The following UBR3 variants were observed in gnomAD, a reference collection of about 807,000 sequenced individuals.
UBR3 encodes E3 ubiquitin-protein ligase UBR3.
A neutral mutation model predicts 243.2 loss-of-function variants in UBR3; 85 were observed. That is an observed-to-expected ratio of 0.35 (90% CI 0.29 to 0.42). UBR3 has a LOEUF of 0.42. Among genes scored for constraint, UBR3 ranks in the 10% least tolerant of loss-of-function variants. The pLI, the probability that UBR3 is intolerant of heterozygous loss-of-function variation, is 1.00. For synonymous variants in UBR3, 748 were observed against 799.8 expected, an observed-to-expected ratio of 0.94 and a Z score of 1.09; for missense variants, 1,686 against 2,300.8, an observed-to-expected ratio of 0.73 and a Z score of 5.47.
intron 1 of UBR3, among the ~76,000 whole-genome samples, chr2:169,862,483 C>A (rs953430417): frequency 1.3e-5 from 2 of 152,200 alleles, no homozygotes; most frequent in Non-Finnish European, 2.9e-5. Context: ...CATTGTCTAT[C>A]TCTGTCCTAC....
At chr2:169,895,367 T>C (rs2084540586) in intron 7 of UBR3, 56 bp downstream of exon 7, 2 of 1,483,408 alleles carry the variant, frequency 1.3e-6, no homozygotes, top group South Asian at 2.7e-5. Flanking sequence ...TTGCCTTTCA[T>C]TATTAAATCT....
Position 169,827,870 on chromosome 2 carries a change from C to T in UBR3, c.363C>T (p.Gly121=), listed in dbSNP as rs974552910. 4.6e-6 allele frequency: 7 copies of T among 1,507,874 alleles called. No homozygotes were observed. Among genetic ancestry groups the T allele is most frequent in the Non-Finnish European group, 6.2e-6 (7 of 1,132,474 alleles). 93.4% of individuals were successfully genotyped at this position (1,507,874 alleles called of 1,614,324 possible). A position where few individuals can be genotyped will look rare whatever the true frequency, so the allele number is the denominator to read the frequency against. ...VRAYDPAALC[G]LVWTANFVAY... ...CCTACGATCCCGCGGCGCTCTGCGG[C>T]CTGGTCTGGACAGCCAACTTCGTGG... Residue 121 remains glycine (G), a synonymous_variant, in exon 1 of 39, where the codon GGC becomes GGT. Transcript: ENST00000272793.
chr2:169,829,422 GTTTT>G (rs35860819), intron 1 of UBR3, among the ~76,000 whole-genome samples: 3 of 133,762 alleles, frequency 2.2e-5, no homozygotes, highest in South Asian at 2.4e-4. Context: ...TAACATTTGA[GTTTT>G]TTTTTTTTTT....
At chr2:169,873,628 A>G (rs1035381267) in intron 2 of UBR3, among the ~76,000 whole-genome samples, 2 of 152,146 alleles carry the variant, frequency 1.3e-5, no homozygotes, top group Non-Finnish European at 2.9e-5. Context: ...AGCTATGATT[A>G]CATCACTACA....
chr2:169,890,536 G>GATATATATATATACAT (rs1396382870), intron 5 of UBR3, among the ~76,000 whole-genome samples: 1 of 53,656 alleles, frequency 1.9e-5, no homozygotes, highest in Non-Finnish European at 3.4e-5. Context: ...GAGAGAGAGA[G>GATATATATATATACAT]AGAGATATAT....
chr2:169,827,813 C>T lies in UBR3; in HGVS notation c.306C>T (p.Gly102=), dbSNP rs1330600833. Residue 102 remains glycine, a synonymous_variant, in exon 1 of 39, where the codon GGC becomes GGT. Coordinates refer to ENST00000272793, the MANE Select transcript of UBR3 (RefSeq NM_172070.4). ...EWCKCLLAGG[G]GYDEFCAAVR... ...GTAAGTGCCTTCTGGCGGGCGGCGG[C>T]GGCTACGACGAGTTCTGCGCGGCGG... 6 of 1,497,010 alleles carry T rather than the reference C, an allele frequency of 4.0e-6. No individual in the cohort carries two copies. The highest frequency in any genetic ancestry group is 1.7e-4 in the Middle Eastern group (1 of 5,774). 92.7% of individuals were successfully genotyped at this position (1,497,010 alleles called of 1,614,324 possible). A position where few individuals can be genotyped will look rare whatever the true frequency, so the allele number is the denominator to read the frequency against.
chr2:169,847,803 G>C (rs1022266133), intron 1 of UBR3, among the ~76,000 whole-genome samples: 4 of 152,178 alleles, frequency 2.6e-5, no homozygotes, highest in African/African-American at 9.7e-5. Context: ...CCTTACATGT[G>C]AGCATGTACT....
intron 11 of UBR3, 136 bp from the exon 12 acceptor site, chr2:169,923,793 A>G (rs3936493): frequency 2.6e-6 from 2 of 780,256 alleles, no homozygotes; most frequent in African/African-American, 1.8e-5. Flanking sequence ...TGGAATCTGC[A>G]TCTTCTAAAA....
chr2:169,954,616 C>T (rs2087192062), intron 23 of UBR3, among the ~76,000 whole-genome samples: 1 of 149,738 alleles, frequency 6.7e-6, no homozygotes, highest in African/African-American at 2.5e-5. Flanking sequence ...CTTTCTGTCA[C>T]CCAGGCTGGA....
At position 169,971,647 on chromosome 2, in the gene UBR3, G is replaced by A. The variant is rs544484403; in HGVS notation, c.3634+13121G>A. Among the ~76,000 whole-genome samples, 81 of 152,224 alleles carry A rather than the reference G, an allele frequency of 5.3e-4. No individual in the cohort carries two copies. In the Middle Eastern group the frequency reaches 0.01, roughly 19 times the overall value. On this transcript the variant is annotated intron_variant, in intron 24 of 38. Transcript: ENST00000272793. ...GATCAGATAGTTGTAGATATGCAGC[G>A]TTGTTTCTGAGGGCTCTGTTCTGTT...
At chr2:169,982,097 T>A (rs1403593288) in intron 24 of UBR3, among the ~76,000 whole-genome samples, 1 of 152,156 alleles carries the variant, frequency 6.6e-6, no homozygotes, top group Non-Finnish European at 1.5e-5. Context: ...AAAATTAAAT[T>A]GTGTTAAAAA....
chr2:169,929,136 A>C (rs1220966894), intron 18 of UBR3, among the ~76,000 whole-genome samples: 1 of 152,202 alleles, frequency 6.6e-6, no homozygotes, highest in Non-Finnish European at 1.5e-5. Context: ...CATTTTTATA[A>C]GTGATCATAA....
chr2:169,883,940 C>T (rs937831617), intron 5 of UBR3, among the ~76,000 whole-genome samples: 1 of 151,536 alleles, frequency 6.6e-6, no homozygotes, highest in Non-Finnish European at 1.5e-5. Context: ...TCAAGTGATT[C>T]TCCCGTCTCA....
chr2:169,838,800 A>G (rs2082199230), intron 1 of UBR3, among the ~76,000 whole-genome samples: 1 of 152,210 alleles, frequency 6.6e-6, no homozygotes, highest in African/African-American at 2.4e-5. Context: ...CATTTCAATC[A>G]GATACGGTGA....
At chr2:169,945,377 TGA>T (rs901389559) in intron 20 of UBR3, among the ~76,000 whole-genome samples, 6 of 152,172 alleles carry the variant, frequency 3.9e-5, no homozygotes, top group African/African-American at 7.2e-5. Flanking sequence ...CAGAAAAACA[TGA>T]GAGAGTCAGT....
intron 29 of UBR3, among the ~76,000 whole-genome samples, chr2:170,013,332 CA>C (rs1166936938): frequency 6.6e-6 from 1 of 151,984 alleles, no homozygotes; most frequent in Non-Finnish European, 1.5e-5. Context: ...TTGCTGGATA[CA>C]GTGGTGTGCG....
At chr2:170,042,973 T>A (rs2091004491) in intron 32 of UBR3, among the ~76,000 whole-genome samples, 1 of 152,134 alleles carries the variant, frequency 6.6e-6, no homozygotes, top group African/African-American at 2.4e-5. Context: ...AGGCTTTTTG[T>A]GTCACTTTGG....
At chr2:169,924,261 T>G in intron 13 of UBR3, 88 bp downstream of exon 13, 1 of 993,786 alleles carries the variant, frequency 1.0e-6, no homozygotes, top group South Asian at 2.1e-5. Flanking sequence ...ATTGTTATTA[T>G]AGCTGAGATG....
chr2:169,833,784 A>ATT (rs746428736), intron 1 of UBR3, among the ~76,000 whole-genome samples: 3 of 144,396 alleles, frequency 2.1e-5, no homozygotes, highest in African/African-American at 2.5e-5. Context: ...GCATTTCTAG[A>ATT]TTTTTTTTTT....
Sources: allele counts gnomAD v4.1 joint callset (sites outside exome capture counted in the v4.1 genomes callset), GRCh38; gene constraint gnomAD v4.1.1; transcripts MANE v1.5; gene names NCBI Gene and HGNC (gene_info 2026-07-23, HGNC 2026-07-21).